INPP4B: variants seen among roughly 807,000 people sequenced by gnomAD.
INPP4B encodes inositol polyphosphate 4-phosphatase type II.
Under a neutral mutation model 122.5 loss-of-function variants are expected in INPP4B, and 55 were observed. The ratio of observed to expected loss-of-function variants is 0.45; its 90% confidence interval spans 0.36 to 0.56. The LOEUF (loss-of-function observed/expected upper bound fraction) is 0.56. Ranked by LOEUF, INPP4B falls within the 20% of genes least tolerant of loss-of-function variation. The probability of loss-of-function intolerance (pLI) is 0.00; values close to 1 mark genes in which losing one functional copy is unlikely to be tolerated. For synonymous variants in INPP4B, 403 were observed against 388.7 expected (o/e 1.04, Z -0.43); for missense variants, 1,000 against 1,097.7 (o/e 0.91, Z 1.26).
In INPP4B at chr4:142,833,908, T is replaced by A. The variant is rs544317109; in HGVS notation, c.-254+12301A>T. Reference sequence around the variant, plus strand: ...CGCACCCAGACTATCTGGTGGGAAATTTATAACACCAAATAATTGCTCAAA... The same window carrying A: ...CGCACCCAGACTATCTGGTGGGAAAATTATAACACCAAATAATTGCTCAAA... On this transcript the variant is annotated intron_variant, in intron 1 of 25. Transcript: ENST00000262992. 3.9e-5 allele frequency among the ~76,000 whole-genome samples: 6 copies of A among 152,296 alleles called. No individual in the cohort carries two copies. The South Asian group carries it at 1.2e-3, about 32-fold the overall frequency.
intron 25 of INPP4B, among the ~76,000 whole-genome samples, chr4:142,058,912 G>A (rs138271080): frequency 6.6e-5 from 10 of 152,122 alleles, no homozygotes; most frequent in Non-Finnish European, 8.8e-5. Context: ...TTATGTTTTC[G>A]TTTTACAGAT....
At chr4:142,701,746 G>A (rs1761802667) in intron 2 of INPP4B, among the ~76,000 whole-genome samples, 1 of 152,068 alleles carries the variant, frequency 6.6e-6, no homozygotes, top group Non-Finnish European at 1.5e-5. Context: ...AGTCGACTAT[G>A]GAGAGCCTGA....
At chr4:142,541,896 G>A (rs933085662) in intron 2 of INPP4B, among the ~76,000 whole-genome samples, 10 of 152,150 alleles carry the variant, frequency 6.6e-5, no homozygotes, top group South Asian at 2.1e-4. Context: ...GGACCAGCTC[G>A]TGAAGATCAC....
intron 3 of INPP4B, among the ~76,000 whole-genome samples, chr4:142,452,194 G>T (rs1319054911): frequency 6.6e-6 from 1 of 152,130 alleles, no homozygotes; most frequent in African/African-American, 2.4e-5. Flanking sequence ...CAGAATGATG[G>T]TTTCCAGCTT....
Position 142,798,918 on chromosome 4 carries a change from G to A in INPP4B, c.-254+47291C>T, listed in dbSNP as rs187665895. On this transcript the variant is annotated intron_variant, in intron 1 of 25. Transcript: ENST00000262992. ...CTTAACTAATAGGAGAACAAAAACCGGAAATGGTGTGATGGTTAAAGTGTT... is the reference window on the plus strand; with the variant it reads ...CTTAACTAATAGGAGAACAAAAACCAGAAATGGTGTGATGGTTAAAGTGTT... Among the ~76,000 whole-genome samples, 858 of 151,378 alleles carry A rather than the reference G, an allele frequency of 5.7e-3. 5 individuals carry two copies. Among genetic ancestry groups the A allele is most frequent in the Non-Finnish European group, 0.01 (701 of 67,602 alleles).
intron 23 of INPP4B, among the ~76,000 whole-genome samples, chr4:142,094,113 CA>C (rs1205532183): frequency 6.6e-6 from 1 of 151,962 alleles, no homozygotes; most frequent in African/African-American, 2.4e-5. Context: ...AAAGTCATGT[CA>C]AAAAATCTAA....
Position 142,398,191 on chromosome 4 carries a change from C to A in INPP4B, c.372+4747G>T, listed in dbSNP as rs1366761225. On this transcript the variant is annotated intron_variant, in intron 7 of 25. Coordinates refer to ENST00000262992, the MANE Select transcript of INPP4B (RefSeq NM_001101669.3). Reference sequence around the variant, plus strand: ...GAGATCAAGACCATCCTGGCTAACACGGTGAAACCCCGTCTCTACTAAAGA... The same window carrying A: ...GAGATCAAGACCATCCTGGCTAACAAGGTGAAACCCCGTCTCTACTAAAGA... 2.0e-5 allele frequency among the ~76,000 whole-genome samples: 3 copies of A among 150,750 alleles called. No individual in the cohort carries two copies. The East Asian group carries it at 5.9e-4, about 30-fold the overall frequency.
chr4:142,763,248 T>A (rs138547208), intron 1 of INPP4B, among the ~76,000 whole-genome samples: 2 of 152,300 alleles, frequency 1.3e-5, no homozygotes, highest in African/African-American at 4.8e-5. Context: ...GAAGCTTACA[T>A]TTAAATATAT....
chr4:142,651,077 T>C (rs1025036750), intron 2 of INPP4B, among the ~76,000 whole-genome samples: 1 of 152,044 alleles, frequency 6.6e-6, no homozygotes, highest in Non-Finnish European at 1.5e-5. Flanking sequence ...TCACTCAAAA[T>C]TGTGCAACTA....
intron 2 of INPP4B, among the ~76,000 whole-genome samples, chr4:142,682,608 T>C (rs1758791787): frequency 6.6e-6 from 1 of 151,934 alleles, no homozygotes; most frequent in African/African-American, 2.4e-5. Context: ...GCAAAGACTA[T>C]AACAACTGTA....
rs1050292448 is a variant in INPP4B at position 142,603,623 on chromosome 4, C to A, written c.-191+122216G>T. Among the ~76,000 whole-genome samples the A allele has an allele frequency of 7.3e-5, 11 of 151,682 alleles. 1 individual carries two copies. The highest frequency in any genetic ancestry group is 1.6e-4 in the Non-Finnish European group (11 of 67,888). On this transcript the variant is annotated intron_variant, in intron 2 of 25. Coordinates refer to ENST00000262992, the MANE Select transcript of INPP4B (RefSeq NM_001101669.3). ...AACTGGAAAACCTAGAAGAAATGGACAAATTCCAGGAAACATAAAACTTAC... is the reference window on the plus strand; with the variant it reads ...AACTGGAAAACCTAGAAGAAATGGAAAAATTCCAGGAAACATAAAACTTAC...
At chr4:142,468,214 T>C (rs940556988) in intron 2 of INPP4B, among the ~76,000 whole-genome samples, 19 of 152,244 alleles carry the variant, frequency 1.2e-4, no homozygotes, top group African/African-American at 4.6e-4. Context: ...GTGATGGGGA[T>C]ATAGCTAAAG....
At chr4:142,652,117 A>G (rs1580626910) in intron 2 of INPP4B, among the ~76,000 whole-genome samples, 1 of 152,236 alleles carries the variant, frequency 6.6e-6, no homozygotes, top group East Asian at 1.9e-4. Context: ...CAATGACAAA[A>G]GCCACATGAT....
chr4:142,647,782 C>A (rs772621809), intron 2 of INPP4B, among the ~76,000 whole-genome samples: 5 of 152,236 alleles, frequency 3.3e-5, no homozygotes, highest in Non-Finnish European at 7.3e-5. Context: ...GTAATGATAT[C>A]TCCCATGCTG....
rs926403913 is a variant in INPP4B, at chr4:142,077,984, G to C, written c.2642+4047C>G. On this transcript the variant is annotated intron_variant, in intron 25 of 25. Transcript: ENST00000262992. ...AAAAAAAAAAGTTTTCTAGATTTCT[G>C]ATGGGCTGTGAGGGTTAAGAATCAC... Among the ~76,000 whole-genome samples, 5 of 151,254 alleles carry C rather than the reference G, an allele frequency of 3.3e-5. No individual in the cohort carries two copies. In the South Asian group the frequency reaches 1.0e-3, roughly 32 times the overall value.
At chr4:142,140,718 C>T (rs1807324511) in intron 18 of INPP4B, among the ~76,000 whole-genome samples, 1 of 152,280 alleles carries the variant, frequency 6.6e-6, no homozygotes, top group Non-Finnish European at 1.5e-5. Context: ...TTAATCTTCT[C>T]ATGCCCCCAA....
At chr4:142,067,779 G>GA (rs1482260474) in intron 25 of INPP4B, among the ~76,000 whole-genome samples, 1 of 152,042 alleles carries the variant, frequency 6.6e-6, no homozygotes, top group Non-Finnish European at 1.5e-5. Context: ...GAAGTTTAGA[G>GA]AAAAAAGAGT....
Position 142,188,518 on chromosome 4 carries a change from A to AAAT in INPP4B, c.1181+4568_1181+4569insATT, listed in dbSNP as rs1834267141. Among the ~76,000 whole-genome samples, 128 of 105,116 alleles carry AAAT rather than the reference A, an allele frequency of 1.2e-3. 27 individuals are homozygous for AAAT. The highest frequency in any genetic ancestry group is 8.5e-3 in the Middle Eastern group (1 of 118). The allele number at this position is 105,116 out of a possible 152,430, so 69.0% of individuals were successfully genotyped here. On this transcript the variant is annotated intron_variant, in intron 15 of 25. Transcript: ENST00000262992. ...AAAAAAAAAAAAAAAAAAGAAAAAA[A>AAAT]ATATATATAGCTTGACTTATGAGTT...
At position 142,261,986 on chromosome 4, in the gene INPP4B, C is replaced by T. The variant is rs183918355; in HGVS notation, c.616-1422G>A. On this transcript the variant is annotated intron_variant, in intron 10 of 25. Transcript: ENST00000262992. ...CTCTAAATCGCATTTCTGACCACCC[C>T]GAAGTCAGAGGTGCACTTCCTCTAA... Among the ~76,000 whole-genome samples, 567 of 152,166 alleles carry T rather than the reference C, an allele frequency of 3.7e-3. 5 individuals are homozygous for T. Among genetic ancestry groups the T allele is most frequent in the African/African-American group, 0.013 (546 of 41,526 alleles).
Sources: gnomAD v4.1 joint callset for allele counts (sites outside exome capture counted in the v4.1 genomes callset) on GRCh38, gnomAD v4.1.1 for gene constraint, MANE v1.5 for transcripts, NCBI Gene and HGNC (gene_info 2026-07-23, HGNC 2026-07-21) for gene names.